The following MGAT4C variants were observed in gnomAD, a reference collection of about 807,000 sequenced individuals.
The protein encoded by MGAT4C is alpha-1,3-mannosyl-glycoprotein 4-beta-N-acetylglucosaminyltransferase C.
MGAT4C carries 19 observed loss-of-function variants against 40.1 expected under a neutral mutation model. The observed-to-expected ratio is 0.47, with a 90% CI of 0.33 to 0.70. The LOEUF is 0.70. MGAT4C is among the 30% of genes least tolerant of loss of function. The probability of loss-of-function intolerance (pLI) is 0.02; values close to 1 mark genes in which losing one functional copy is unlikely to be tolerated. For synonymous variants in MGAT4C, 181 were observed against 187.1 expected, an observed-to-expected ratio of 0.97 and a Z score of 0.27; for missense variants, 491 against 563.2, an observed-to-expected ratio of 0.87 and a Z score of 1.30.
At chr12:86,516,897 A>G (rs541423077) in intron 2 of MGAT4C, among the ~76,000 whole-genome samples, 1 of 152,318 alleles carries the variant, frequency 6.6e-6, no homozygotes, top group South Asian at 2.1e-4. Context: ...TCAACTTAAC[A>G]TTCAAAAGAC....
chr12:86,303,043 C>T lies in MGAT4C; in HGVS notation c.-57+31022G>A, dbSNP rs547707200. ...AATAGAACTTCAACTATTTTTCTCC[C>T]TTCGTTTTCTGATATTAATTTTACT... On this transcript the variant is annotated intron_variant, in intron 4 of 7. Coordinates refer to the MGAT4C transcript ENST00000548651. 7.0e-4 allele frequency among the ~76,000 whole-genome samples: 106 copies of T among 150,656 alleles called. 13 individuals carry two copies. Among genetic ancestry groups the T allele is most frequent in the African/African-American group, 2.6e-3 (103 of 40,106 alleles).
intron 2 of MGAT4C, among the ~76,000 whole-genome samples, chr12:86,632,756 G>A (rs566394243): frequency 6.6e-6 from 1 of 150,624 alleles, no homozygotes; most frequent in Admixed American, 6.6e-5. Context: ...GGGGCCTGTT[G>A]TGGGGTGGGG....
At chr12:86,583,024 T>G (rs920486447) in intron 2 of MGAT4C, among the ~76,000 whole-genome samples, 3 of 151,204 alleles carry the variant, frequency 2.0e-5, no homozygotes, top group African/African-American at 7.3e-5. Flanking sequence ...AAAGAGAAAA[T>G]AAGGACAGTA....
intron 1 of MGAT4C, among the ~76,000 whole-genome samples, chr12:86,082,649 T>C (rs2135546840): frequency 6.6e-6 from 1 of 152,256 alleles, no homozygotes; most frequent in South Asian, 2.1e-4. Flanking sequence ...AAGTCTAATA[T>C]AAGTATCAAA....
chr12:86,668,571 A>G (rs1032190642), intron 2 of MGAT4C, among the ~76,000 whole-genome samples: 2 of 152,234 alleles, frequency 1.3e-5, no homozygotes, highest in South Asian at 4.1e-4. Flanking sequence ...ATCTGTGCAC[A>G]TACACTGTCA....
At chr12:86,742,209 C>A (rs973808517) in intron 1 of MGAT4C, among the ~76,000 whole-genome samples, 1 of 150,938 alleles carries the variant, frequency 6.6e-6, no homozygotes, top group East Asian at 2.0e-4. Flanking sequence ...TGAATATTTG[C>A]TGATTAACTA....
intron 3 of MGAT4C, among the ~76,000 whole-genome samples, chr12:86,376,848 G>GAGAGAC (rs1955836657): frequency 1.7e-3 from 109 of 62,616 alleles, no homozygotes; most frequent in Non-Finnish European, 2.3e-3. Flanking sequence ...GAGAGACAGA[G>GAGAGAC]AGAGAGAGAG....
rs1884072672 is a variant in MGAT4C, at chr12:85,977,377, A to G, written c.*1912T>C. 2 of 151,514 alleles carry G rather than the reference A, an allele frequency of 1.3e-5. No homozygotes were observed. The highest frequency in any genetic ancestry group is 3.0e-5 in the Non-Finnish European group (2 of 67,550). 9.4% of individuals were successfully genotyped at this position (151,514 alleles called of 1,614,324 possible). A position where few individuals can be genotyped will look rare whatever the true frequency, so the allele number is the denominator to read the frequency against. On this transcript the variant is annotated 3_prime_UTR_variant, in exon 5 of 5. Transcript: ENST00000611864. Reference sequence around the variant, plus strand: ...ATCAACTAGCCGGTTAATAAAAGATAAGAAAAATAAAGAAAATAGAACATT... The same window carrying G: ...ATCAACTAGCCGGTTAATAAAAGATGAGAAAAATAAAGAAAATAGAACATT...
intron 2 of MGAT4C, among the ~76,000 whole-genome samples, chr12:85,992,080 G>T (rs1003650665): frequency 6.6e-6 from 1 of 152,168 alleles, no homozygotes; most frequent in Non-Finnish European, 1.5e-5. Flanking sequence ...CAGGGTCTGC[G>T]GAAAGGTAAG....
chr12:86,129,932 C>G (rs1431577422), intron 1 of MGAT4C, among the ~76,000 whole-genome samples: 1 of 152,126 alleles, frequency 6.6e-6, no homozygotes, highest in African/African-American at 2.4e-5. Context: ...AAAGCACATG[C>G]ACTGTGTGAA....
intron 1 of MGAT4C, among the ~76,000 whole-genome samples, chr12:86,062,532 C>T (rs530064512): frequency 5.9e-5 from 9 of 151,998 alleles, no homozygotes; most frequent in Middle Eastern, 3.4e-3. Flanking sequence ...AGGAGTTTGA[C>T]GAATTGACAG....
At chr12:86,527,133 C>A (rs1233262476) in intron 2 of MGAT4C, among the ~76,000 whole-genome samples, 1 of 152,296 alleles carries the variant, frequency 6.6e-6, no homozygotes, top group South Asian at 2.1e-4. Context: ...CTGGCTGGAT[C>A]TAGTGGCACC....
chr12:85,999,961 A>G (rs1478654971), intron 2 of MGAT4C, among the ~76,000 whole-genome samples: 2 of 152,176 alleles, frequency 1.3e-5, no homozygotes, highest in Non-Finnish European at 2.9e-5. Flanking sequence ...GGGTGACTAC[A>G]GCTAATAACA....
chr12:86,565,106 C>G (rs2136413816), intron 2 of MGAT4C, among the ~76,000 whole-genome samples: 1 of 152,260 alleles, frequency 6.6e-6, no homozygotes, highest in Non-Finnish European at 1.5e-5. Context: ...GAATATGGGT[C>G]ATCAAAGTCA....
intron 2 of MGAT4C, among the ~76,000 whole-genome samples, chr12:86,714,716 T>G (rs1232598380): frequency 6.7e-6 from 1 of 150,294 alleles, no homozygotes; most frequent in Admixed American, 6.7e-5. Context: ...TATGTCTTTA[T>G]CAGTAGTGTG....
At chr12:86,705,015 C>T (rs915021839) in intron 2 of MGAT4C, among the ~76,000 whole-genome samples, 1 of 152,008 alleles carries the variant, frequency 6.6e-6, no homozygotes, top group African/African-American at 2.4e-5. Flanking sequence ...GGCATGTTAT[C>T]CGGGCCCCAC....
intron 3 of MGAT4C, among the ~76,000 whole-genome samples, chr12:86,361,433 C>T (rs1955465871): frequency 6.6e-6 from 1 of 152,178 alleles, no homozygotes; most frequent in Non-Finnish European, 1.5e-5. Context: ...TGGGCAAGGA[C>T]TTCATGACTA....
At chr12:86,803,274 T>C (rs918842044) in intron 1 of MGAT4C, among the ~76,000 whole-genome samples, 3 of 151,142 alleles carry the variant, frequency 2.0e-5, no homozygotes, top group African/African-American at 7.3e-5. Context: ...TCAAGATGGA[T>C]TAAAGATTTA....
intron 2 of MGAT4C, among the ~76,000 whole-genome samples, chr12:86,037,411 T>C (rs955834254): frequency 2.0e-5 from 3 of 150,264 alleles, no homozygotes; most frequent in Admixed American, 1.3e-4. Context: ...TTTCCTGCTT[T>C]CTCTTGTGGG....
Sources: allele counts gnomAD v4.1 joint callset (sites outside exome capture counted in the v4.1 genomes callset), GRCh38; gene constraint gnomAD v4.1.1; transcripts MANE v1.5; gene names NCBI Gene and HGNC (gene_info 2026-07-23, HGNC 2026-07-21).